The following STAG2 variants were observed in gnomAD, a reference collection of about 807,000 sequenced individuals.
STAG2 encodes the protein cohesin subunit SA-2.
In STAG2, 14 loss-of-function variants were observed where a neutral mutation model predicts 108.1. That is an observed-to-expected ratio of 0.13 (90% CI 0.09 to 0.20). The LOEUF is 0.20. Among genes scored for constraint, STAG2 ranks in the 10% least tolerant of loss-of-function variants. The pLI is 1.00. For missense variants in STAG2, 440 were observed against 940.9 expected, an observed-to-expected ratio of 0.47 and a Z score of 6.96; for synonymous variants, 307 against 302.7, an observed-to-expected ratio of 1.01 and a Z score of -0.15.
intron 1 of STAG2, among the ~76,000 whole-genome samples, chrX:124,004,328 A>G (rs1393501556): frequency 2.7e-5 from 3 of 111,848 alleles, no homozygotes; most frequent in African/African-American, 6.5e-5. Context: ...CTGAAACTCT[A>G]TACCCATTTA....
At chrX:124,087,632 A>G (rs1181986916) in intron 30 of STAG2, among the ~76,000 whole-genome samples, 6 of 112,365 alleles carry the variant, frequency 5.3e-5, no homozygotes, top group Non-Finnish European at 9.4e-5. Flanking sequence ...CCGAAAGACC[A>G]GAAGTGGAAG....
chrX:123,973,846 A>C (rs1274772542), intron 1 of STAG2, among the ~76,000 whole-genome samples: 2 of 105,190 alleles, frequency 1.9e-5, no homozygotes, highest in African/African-American at 7.0e-5. Context: ...CTCCCTCTCA[A>C]AAAAAAAAAA....
intron 1 of STAG2, among the ~76,000 whole-genome samples, chrX:124,017,801 T>C (rs1052092530): frequency 8.9e-6 from 1 of 111,889 alleles, no homozygotes; most frequent in African/African-American, 3.2e-5. Flanking sequence ...ATACTAATTA[T>C]GGATAACCTG....
intron 1 of STAG2, among the ~76,000 whole-genome samples, chrX:123,964,718 GTT>G (rs11315284): frequency 8.9e-5 from 9 of 101,092 alleles, no homozygotes; most frequent in African/African-American, 1.4e-4. Context: ...GGTGGAGTGG[GTT>G]TTTTTTTTTT....
rs748252998 is a variant in STAG2 at position 124,063,080 on chromosome X, T to C, written c.1732-36T>C. On this transcript the variant is annotated intron_variant, in intron 18 of 34. Transcript: ENST00000371145. ...CACAGAATATTATAATGCTTTCTTATTGTGATATTTTTAACGTGATCTTTA... is the reference window on the plus strand; with the variant it reads ...CACAGAATATTATAATGCTTTCTTACTGTGATATTTTTAACGTGATCTTTA... The C allele has an allele frequency of 4.3e-6, 5 of 1,171,410 alleles. No individual in the cohort carries two copies. In the South Asian group the frequency reaches 5.5e-5, roughly 13 times the overall value.
chrX:124,001,445 G>A (rs1033264959), intron 1 of STAG2, among the ~76,000 whole-genome samples: 1 of 111,369 alleles, frequency 9.0e-6, no homozygotes, highest in African/African-American at 3.3e-5. Context: ...TTTATAAAGT[G>A]TACAATAGTG....
chrX:124,018,627 A>G (rs886646755), intron 1 of STAG2, among the ~76,000 whole-genome samples: 1 of 110,776 alleles, frequency 9.0e-6, no homozygotes, highest in African/African-American at 3.3e-5. Context: ...CAGCCTCCCA[A>G]GTAGCTAGGT....
In STAG2 at chrX:124,061,830, G is replaced by A; in HGVS notation, c.1594G>A (p.Ala532Thr). The change falls in exon 17 of 35, where the codon GCG (alanine) becomes ACG (threonine). Residue 532 changes from alanine (A) to threonine (T), a missense_variant. This residue lies in a region of STAG2 where 337 missense variants were observed against 649.3 expected (regional missense o/e 0.52). Transcript: ENST00000371145. ...AATAATGCTTTGTACCATTAGACAA[G>A]CGGCTGAATGTCATCCTCCCGTGGG... ...IEIMLCTIRQAAECHPPVGRG... is the reference protein window; with the variant it reads ...IEIMLCTIRQTAECHPPVGRG... 1 of 1,177,973 alleles carries A rather than the reference G, an allele frequency of 8.5e-7. No homozygotes were observed. Among genetic ancestry groups the A allele is most frequent in the Non-Finnish European group, 1.1e-6 (1 of 878,773 alleles).
At chrX:124,053,519 G>T (rs2058103036) in intron 13 of STAG2, among the ~76,000 whole-genome samples, 1 of 111,063 alleles carries the variant, frequency 9.0e-6, no homozygotes, top group Admixed American at 9.6e-5. Flanking sequence ...TCATGTAAGA[G>T]TTGCCAGAAG....
intron 7 of STAG2, among the ~76,000 whole-genome samples, chrX:124,043,884 T>G (rs745599603): frequency 1.8e-5 from 2 of 111,653 alleles, no homozygotes; most frequent in South Asian, 3.7e-4. Flanking sequence ...AAATTAAGCT[T>G]CTTCAAGGAA....
At chrX:124,063,267 C>A in intron 19 of STAG2, 62 bp downstream of exon 19, 1 of 848,134 alleles carries the variant, frequency 1.2e-6, no homozygotes, top group Non-Finnish European at 1.7e-6. Flanking sequence ...TATATCATAG[C>A]GTTTGTTTAT....
chrX:124,031,195 C>T, intron 5 of STAG2, 70 bp downstream of exon 5: 1 of 1,023,947 alleles, frequency 9.8e-7, no homozygotes, highest in Non-Finnish European at 1.3e-6. Context: ...TAGAGTGTAG[C>T]TCTGATTTTT....
chrX:123,998,664 T>C (rs938163148), intron 1 of STAG2, among the ~76,000 whole-genome samples: 8 of 110,150 alleles, frequency 7.3e-5, no homozygotes, highest in Non-Finnish European at 1.1e-4. Context: ...GTAATAGATA[T>C]GAAGTCAAAT....
At chrX:124,056,258 C>A in intron 14 of STAG2, 23 bp downstream of exon 14, 1 of 1,083,523 alleles carries the variant, frequency 9.2e-7, no homozygotes, top group Non-Finnish European at 1.3e-6. Context: ...ATCTGTTACT[C>A]ATTTTCTAAG....
intron 4 of STAG2, among the ~76,000 whole-genome samples, chrX:124,028,079 T>G (rs1025743808): frequency 8.9e-6 from 1 of 111,845 alleles, no homozygotes; most frequent in African/African-American, 3.3e-5. Context: ...TACTAGTCTA[T>G]TCTGTTGTAG....
intron 24 of STAG2, among the ~76,000 whole-genome samples, chrX:124,070,633 CA>C (rs1207164753): frequency 8.9e-6 from 1 of 112,019 alleles, no homozygotes; most frequent in Non-Finnish European, 1.9e-5. Flanking sequence ...TTAATCAGTA[CA>C]CGTGTGAACA....
At chrX:123,969,849 G>T (rs2054269332) in intron 1 of STAG2, among the ~76,000 whole-genome samples, 1 of 107,040 alleles carries the variant, frequency 9.3e-6, no homozygotes, top group Non-Finnish European at 1.9e-5. Context: ...ATTTCCCCAT[G>T]TTGGCCAGGC....
At chrX:124,091,616 ACTGAAGCTTTGGTCAT>A (rs1457963067) in intron 32 of STAG2, among the ~76,000 whole-genome samples, 1 of 112,204 alleles carries the variant, frequency 8.9e-6, no homozygotes, top group Non-Finnish European at 1.9e-5. Context: ...TGTCACTTTA[ACTGAAGCTTTGGTCAT>A]CTATGCTCCC....
At chrX:124,012,595 G>A (rs1187803858) in intron 1 of STAG2, among the ~76,000 whole-genome samples, 14 of 111,795 alleles carry the variant, frequency 1.3e-4, no homozygotes, top group African/African-American at 3.9e-4. Flanking sequence ...GGCTGGTAAT[G>A]CTAAATATTT....
Sources: allele counts gnomAD v4.1 joint callset (sites outside exome capture counted in the v4.1 genomes callset), GRCh38; gene constraint gnomAD v4.1.1; regional missense constraint gnomAD v4.1.1; transcripts MANE v1.5; gene names NCBI Gene and HGNC (gene_info 2026-07-23, HGNC 2026-07-21).